HECW1: variants seen among roughly 807,000 people sequenced by gnomAD.
HECW1 encodes E3 ubiquitin-protein ligase HECW1.
Under a neutral mutation model 182.3 loss-of-function variants are expected in HECW1, and 61 were observed. The observed-to-expected ratio is 0.33, with a 90% confidence interval of 0.27 to 0.41. The LOEUF (loss-of-function observed/expected upper bound fraction) is 0.41, where lower values mean the gene tolerates loss of function less well. Among genes scored for constraint, HECW1 ranks in the 10% least tolerant of loss-of-function variants. The probability of loss-of-function intolerance (pLI) is 1.00; values close to 1 mark genes in which losing one functional copy is unlikely to be tolerated. For synonymous variants in HECW1, 859 were observed against 832.6 expected (o/e 1.03, Z -0.55); for missense variants, 1,739 against 2,108.9 (o/e 0.82, Z 3.44).
intron 2 of HECW1, among the ~76,000 whole-genome samples, chr7:43,198,979 A>G (rs953274645): frequency 1.3e-5 from 2 of 152,210 alleles, no homozygotes; most frequent in Middle Eastern, 3.2e-3. Flanking sequence ...TTGTTCAATA[A>G]CGCTAAGCTA....
At chr7:43,397,290 GCT>G (rs2075263205) in intron 7 of HECW1, among the ~76,000 whole-genome samples, 1 of 152,144 alleles carries the variant, frequency 6.6e-6, no homozygotes, top group Non-Finnish European at 1.5e-5. Flanking sequence ...GCTCAAAAAT[GCT>G]CATTCATGGA....
chr7:43,472,680 A>G (rs546190317), intron 16 of HECW1, among the ~76,000 whole-genome samples: 45 of 152,234 alleles, frequency 3.0e-4, no homozygotes, highest in Non-Finnish European at 5.7e-4. Flanking sequence ...TGGGCTCACT[A>G]AATTACAGTA....
chr7:43,343,130 A>C (rs1430068257), intron 5 of HECW1, among the ~76,000 whole-genome samples: 2 of 151,648 alleles, frequency 1.3e-5, no homozygotes, highest in African/African-American at 4.9e-5. Context: ...TAATTCATCA[A>C]CTCTGATTAT....
intron 2 of HECW1, among the ~76,000 whole-genome samples, chr7:43,127,744 A>G (rs1320360072): frequency 6.6e-6 from 1 of 152,224 alleles, no homozygotes; most frequent in Non-Finnish European, 1.5e-5. Context: ...TTGGTTCATT[A>G]GGTTTAAGGA....
intron 2 of HECW1, among the ~76,000 whole-genome samples, chr7:43,175,329 T>C (rs185203105): frequency 6.6e-5 from 10 of 152,332 alleles, no homozygotes; most frequent in African/African-American, 1.7e-4. Context: ...ATAGCTACAG[T>C]CACCATGTTG....
At chr7:43,346,804 G>A (rs1402469235) in intron 5 of HECW1, among the ~76,000 whole-genome samples, 1 of 152,114 alleles carries the variant, frequency 6.6e-6, no homozygotes, top group Non-Finnish European at 1.5e-5. Flanking sequence ...TTGGCTGTAA[G>A]TATTTGGGTT....
intron 24 of HECW1, among the ~76,000 whole-genome samples, chr7:43,514,578 C>T (rs930975933): frequency 4.6e-5 from 7 of 152,162 alleles, no homozygotes; most frequent in East Asian, 1.9e-4. Flanking sequence ...CGTGAGCCAA[C>T]GTGCCCAGCC....
intron 3 of HECW1, among the ~76,000 whole-genome samples, chr7:43,262,410 A>C (rs1801283641): frequency 6.6e-6 from 1 of 152,166 alleles, no homozygotes; most frequent in Non-Finnish European, 1.5e-5. Context: ...TATTGATGAT[A>C]TTATTTCACA....
chr7:43,525,318 T>G (rs2080713917), intron 24 of HECW1, among the ~76,000 whole-genome samples: 2 of 152,252 alleles, frequency 1.3e-5, no homozygotes, highest in African/African-American at 4.8e-5. Flanking sequence ...TTCCTGAATA[T>G]TTAAATGCTA....
chr7:43,303,783 TG>T (rs982001088), intron 3 of HECW1, among the ~76,000 whole-genome samples: 1 of 151,822 alleles, frequency 6.6e-6, no homozygotes, highest in African/African-American at 2.4e-5. Context: ...ACAGAGATGG[TG>T]GTTTAGCAGC....
intron 2 of HECW1, chr7:43,240,154 G>A (rs2330786): frequency 0.35 from 53,088 of 151,942 alleles, 9,981 homozygotes; most frequent in African/African-American, 0.49. Flanking sequence ...CATCCTGGCT[G>A]ACACGGTGAA....
intron 2 of HECW1, among the ~76,000 whole-genome samples, chr7:43,239,578 A>G (rs906554615): frequency 1.1e-4 from 17 of 152,154 alleles, no homozygotes; most frequent in African/African-American, 4.1e-4. Flanking sequence ...AAATATCTCT[A>G]CAGCTTGGCA....
chr7:43,271,227 A>C (rs1037150119), intron 3 of HECW1, among the ~76,000 whole-genome samples: 1 of 152,182 alleles, frequency 6.6e-6, no homozygotes, highest in Non-Finnish European at 1.5e-5. Context: ...TTGAACATTA[A>C]TGTATGTTTA....
At chr7:43,272,287 T>C (rs1802501334) in intron 3 of HECW1, among the ~76,000 whole-genome samples, 1 of 152,114 alleles carries the variant, frequency 6.6e-6, no homozygotes, top group Non-Finnish European at 1.5e-5. Context: ...GGAAAGAATT[T>C]ATAAGTCCTC....
In HECW1 at chr7:43,444,829, C is replaced by G. The variant is rs1296251991; in HGVS notation, c.1657C>G (p.Pro553Ala). The G allele has an allele frequency of 6.2e-7, 1 of 1,613,894 alleles. No homozygotes were observed. The highest frequency in any genetic ancestry group is 8.5e-7 in the Non-Finnish European group (1 of 1,179,996). ...ETVIASACGDPETPRTHYIRI... is the reference protein window; with the variant it reads ...ETVIASACGDAETPRTHYIRI... ...GGTGATCGCGTCAGCCTGCGGGGAC[C>G]CCGAGACCCCGCGGACACACTACAT... The change falls in exon 11 of 30, where the codon CCC becomes GCC. Residue 553 changes from proline (P) to alanine (A), a missense_variant. Physicochemically the swap from Pro to Ala is conservative, Grantham distance 27. Coordinates refer to ENST00000395891, the MANE Select transcript of HECW1 (RefSeq NM_015052.5). The surrounding 1 kb of genome is among the most constrained non-coding windows in gnomAD (Gnocchi z 4.3).
chr7:43,493,601 C>T (rs1176457795), intron 19 of HECW1, among the ~76,000 whole-genome samples: 1 of 152,204 alleles, frequency 6.6e-6, no homozygotes, highest in East Asian at 1.9e-4. Context: ...TGTGTTCTAA[C>T]TACTTACATC....
intron 2 of HECW1, among the ~76,000 whole-genome samples, chr7:43,186,484 G>A (rs1199305093): frequency 2.6e-5 from 4 of 151,884 alleles, no homozygotes; most frequent in Admixed American, 6.6e-5. Context: ...TGGCTAACAC[G>A]GTGAAACCCC....
intron 21 of HECW1, 22 bp from the exon 22 acceptor site, chr7:43,507,115 C>T: frequency 6.2e-7 from 1 of 1,609,580 alleles, no homozygotes; most frequent in Non-Finnish European, 8.5e-7. Context: ...AAGTGATGAC[C>T]TCTGTGTGCT....
In HECW1 at chr7:43,456,364, C is replaced by T. The variant is rs2152888638; in HGVS notation, c.2568C>T (p.Thr856=). The change falls in exon 13 of 30, where the codon ACC becomes ACT. Residue 856 remains threonine, a synonymous_variant. Transcript: ENST00000395891. ...TGGACCACGTGAACCGCACAACCACCTGGCAGCGTCCGACGGCAGCAGCCA... is the reference window on the plus strand; with the variant it reads ...TGGACCACGTGAACCGCACAACCACTTGGCAGCGTCCGACGGCAGCAGCCA... ...FYVDHVNRTT[T]WQRPTAAATP... is the part of the protein sequence containing the mutation. 8 of 1,614,078 alleles carry T rather than the reference C, an allele frequency of 5.0e-6. No individual in the cohort carries two copies. Among genetic ancestry groups the T allele is most frequent in the Non-Finnish European group, 6.8e-6 (8 of 1,179,974 alleles).
Sources: allele counts gnomAD v4.1 joint callset (sites outside exome capture counted in the v4.1 genomes callset), GRCh38; gene constraint gnomAD v4.1.1; non-coding constraint Gnocchi (gnomAD v3.1); transcripts MANE v1.5; gene names NCBI Gene and HGNC (gene_info 2026-07-23, HGNC 2026-07-21).